KCTD20: variants seen among roughly 807,000 people sequenced by gnomAD.
The protein encoded by KCTD20 is potassium channel tetramerization domain containing 20.
A neutral mutation model predicts 39.6 loss-of-function variants in KCTD20; 30 were observed. The observed-to-expected ratio is 0.76, with a 90% CI of 0.57 to 1.03. KCTD20 has a LOEUF of 1.03. Among genes scored for constraint, KCTD20 ranks in the 50% least tolerant of loss-of-function variants. KCTD20 has a pLI of 0.00. For missense variants in KCTD20, 422 were observed against 522.0 expected (o/e 0.81, Z 1.87); for synonymous variants, 162 against 180.6 (o/e 0.90, Z 0.83).
chr6:36,462,249 T>C (rs1198029506), intron 1 of KCTD20, among the ~76,000 whole-genome samples: 1 of 152,184 alleles, frequency 6.6e-6, no homozygotes, highest in African/African-American at 2.4e-5. Flanking sequence ...TCTTTGTTTA[T>C]AGGATCCTTT....
intron 1 of KCTD20, among the ~76,000 whole-genome samples, chr6:36,451,880 A>C (rs1174574462): frequency 6.6e-6 from 1 of 152,198 alleles, no homozygotes; most frequent in East Asian, 1.9e-4. Context: ...GTGCAGTCTC[A>C]GCTCACTGCA....
intron 1 of KCTD20, chr6:36,465,595 T>C (rs909036681): frequency 6.6e-6 from 1 of 152,088 alleles, no homozygotes; most frequent in African/African-American, 2.4e-5. Flanking sequence ...GTACATTCTT[T>C]TTTAGGTGCA....
intron 1 of KCTD20, among the ~76,000 whole-genome samples, chr6:36,463,500 A>T (rs1236909432): frequency 6.6e-6 from 1 of 152,238 alleles, no homozygotes; most frequent in South Asian, 2.1e-4. Flanking sequence ...ATTAAAGATA[A>T]ACTAACAAAA....
chr6:36,468,666 CATCAATTTTAA>C (rs1229605817), intron 1 of KCTD20, among the ~76,000 whole-genome samples: 1 of 152,166 alleles, frequency 6.6e-6, no homozygotes, highest in Non-Finnish European at 1.5e-5. Context: ...AATCACCAAA[CATCAATTTTAA>C]ATGGCTGCAT....
intron 1 of KCTD20, among the ~76,000 whole-genome samples, chr6:36,459,698 A>G (rs1407923736): frequency 1.3e-5 from 2 of 152,188 alleles, no homozygotes; most frequent in African/African-American, 4.8e-5. Flanking sequence ...CTGTTACTAC[A>G]GTACTTTTGA....
intron 1 of KCTD20, chr6:36,450,780 C>G (rs1352906369): frequency 1.3e-5 from 2 of 152,176 alleles, no homozygotes; most frequent in East Asian, 3.8e-4. Context: ...CTCATTTCTT[C>G]TTTAATCTAG....
Position 36,487,026 on chromosome 6 carries a change from C to G in KCTD20, c.1111C>G (p.Arg371Gly), listed in dbSNP as rs765368896. The change falls in exon 8 of 8, where the codon CGA (arginine) becomes GGA (glycine). Residue 371 changes from arginine to glycine, a missense_variant. By Grantham distance (125) the Arg-to-Gly change is moderately radical. Coordinates refer to ENST00000373731, the MANE Select transcript of KCTD20 (RefSeq NM_173562.5). ...TCGCCATGTGGATTTCCAGTGTGTT[C>G]GAAGCAAATCCCTCACGAATCTGGT... ...KSRHVDFQCV[R>G]SKSLTNLVAA... is the part of the protein sequence containing the mutation. 6.2e-7 allele frequency: 1 copy of G among 1,614,132 alleles called. No individual in the cohort carries two copies. The highest frequency in any genetic ancestry group is 8.5e-7 in the Non-Finnish European group (1 of 1,180,014).
chr6:36,482,820 CCTG>C (rs1195968744), intron 6 of KCTD20, among the ~76,000 whole-genome samples: 1 of 151,842 alleles, frequency 6.6e-6, no homozygotes, highest in Non-Finnish European at 1.5e-5. Context: ...GTGGCTCATG[CCTG>C]TAATCCTAGC....
At chr6:36,458,155 C>T (rs978302579) in intron 1 of KCTD20, among the ~76,000 whole-genome samples, 1 of 152,160 alleles carries the variant, frequency 6.6e-6, no homozygotes, top group African/African-American at 2.4e-5. Flanking sequence ...TGGACTCAAG[C>T]AGTCCTCCCA....
intron 2 of KCTD20, 36 bp downstream of exon 2, chr6:36,470,293 T>C: frequency 6.4e-7 from 1 of 1,567,076 alleles, no homozygotes; most frequent in Middle Eastern, 1.9e-4. Flanking sequence ...TTTGGGGGGC[T>C]TTCCAATACT....
At chr6:36,445,157 G>C (rs1774999980) in intron 1 of KCTD20, among the ~76,000 whole-genome samples, 1 of 151,604 alleles carries the variant, frequency 6.6e-6, no homozygotes, top group Non-Finnish European at 1.5e-5. Flanking sequence ...AGCTACACGG[G>C]AGGCTGAGGC....
chr6:36,462,459 C>T (rs1472325008), intron 1 of KCTD20, among the ~76,000 whole-genome samples: 2 of 152,174 alleles, frequency 1.3e-5, no homozygotes, highest in East Asian at 1.9e-4. Context: ...TCCCAAACAT[C>T]GCCAGTCAGT....
chr6:36,470,093 TAAGG>T lies in KCTD20; in HGVS notation c.-3_1del. ...AACGGACAGTTCAGGACTCAGAATC[TAAGG>T]ATGAATGTTCACCGTGGCAGTGACA... On this transcript the variant is annotated 5_prime_UTR_variant, in exon 2 of 8. Coordinates refer to ENST00000373731, the MANE Select transcript of KCTD20 (RefSeq NM_173562.5). 6.2e-7 allele frequency: 1 copy of T among 1,611,316 alleles called. No homozygotes were observed. Among genetic ancestry groups the T allele is most frequent in the Non-Finnish European group, 8.5e-7 (1 of 1,178,148 alleles).
chr6:36,470,977 C>T lies in KCTD20; in HGVS notation c.160+720C>T, dbSNP rs1006635447. On this transcript the variant is annotated intron_variant, in intron 2 of 7. Coordinates refer to ENST00000373731, the MANE Select transcript of KCTD20 (RefSeq NM_173562.5). Reference sequence around the variant, plus strand: ...CCTGCCTGGCCAATGTGGCGAAACCCCCATCTCTACTAAAAATACAAAAAT... The same window carrying T: ...CCTGCCTGGCCAATGTGGCGAAACCTCCATCTCTACTAAAAATACAAAAAT... 8.5e-5 allele frequency among the ~76,000 whole-genome samples: 13 copies of T among 152,194 alleles called. No homozygotes were observed. In the East Asian group the frequency reaches 1.9e-3, roughly 23 times the overall value.
chr6:36,481,554 C>CT lies in KCTD20; in HGVS notation c.659-7dup. 6.2e-7 allele frequency: 1 copy of CT among 1,605,240 alleles called. No homozygotes were observed. Among genetic ancestry groups the CT allele is most frequent in the Non-Finnish European group, 8.5e-7 (1 of 1,171,970 alleles). ...GAAAGCATGTTCACCTACATTTTCT[C>CT]TCTGCAGGTGCTTTACTCCATGAAC... is the stretch of plus-strand genomic sequence containing the variant. On this transcript the variant is annotated splice_polypyrimidine_tract_variant and splice_region_variant and intron_variant, in intron 5 of 7. Coordinates refer to ENST00000373731, the MANE Select transcript of KCTD20 (RefSeq NM_173562.5).
chr6:36,475,074 T>C lies in KCTD20; in HGVS notation c.434+12T>C. 1.2e-6 allele frequency: 2 copies of C among 1,606,622 alleles called. No homozygotes were observed. The highest frequency in any genetic ancestry group is 1.7e-6 in the Non-Finnish European group (2 of 1,176,522). ...ACCATGCTGGGAAGGTAACTGATGA[T>C]AATTTTCTTCCAAATTCATTCTGTT... On this transcript the variant is annotated intron_variant, in intron 3 of 7. Coordinates refer to ENST00000373731, the MANE Select transcript of KCTD20 (RefSeq NM_173562.5).
chr6:36,488,278 ATAT>A lies in KCTD20; in HGVS notation c.*1107_*1109del, dbSNP rs1776485665. The A allele has an allele frequency of 6.6e-6, 1 of 152,224 alleles. No homozygotes were observed. Among genetic ancestry groups the A allele is most frequent in the South Asian group, 2.1e-4 (1 of 4,830 alleles). 9.4% of individuals were successfully genotyped at this position (152,224 alleles called of 1,614,324 possible). On this transcript the variant is annotated 3_prime_UTR_variant, in exon 8 of 8. Transcript: ENST00000373731. ...ATAGCTGCTCACACATTGGGTAGGAATATTATACCAATGTCATCCCCAAAGGAA... is the reference window on the plus strand; with the variant it reads ...ATAGCTGCTCACACATTGGGTAGGAATATACCAATGTCATCCCCAAAGGAA...
At chr6:36,484,974 C>T in intron 7 of KCTD20, 150 bp downstream of exon 7, 1 of 591,102 alleles carries the variant, frequency 1.7e-6, no homozygotes, top group South Asian at 2.1e-5. Context: ...GTTTTTTCCT[C>T]ATTTTTCTTT....
intron 6 of KCTD20, 23 bp downstream of exon 6, chr6:36,481,782 A>C (rs1255508437): frequency 6.2e-7 from 1 of 1,607,268 alleles, no homozygotes; most frequent in Admixed American, 1.7e-5. Context: ...GGCATGGCGT[A>C]GATGTTTTCA....
Sources: gnomAD v4.1 joint callset for allele counts (sites outside exome capture counted in the v4.1 genomes callset) on GRCh38, gnomAD v4.1.1 for gene constraint, MANE v1.5 for transcripts, NCBI Gene and HGNC (gene_info 2026-07-23, HGNC 2026-07-21) for gene names.